Variants in PTPRD observed in about 807,000 individuals in gnomAD.
The protein encoded by PTPRD is receptor-type tyrosine-protein phosphatase delta.
In PTPRD, 34 loss-of-function variants were observed where a neutral mutation model predicts 214.5. The observed-to-expected ratio is 0.16, with a 90% CI of 0.12 to 0.21. The LOEUF is 0.21. PTPRD is among the 10% of genes least tolerant of loss of function. The pLI, the probability that PTPRD is intolerant of heterozygous loss-of-function variation, is 1.00. For missense variants in PTPRD, 2,545 were observed against 2,398.7 expected (o/e 1.06, Z -1.27); for synonymous variants, 1,128 against 845.7 (o/e 1.33, Z -5.79).
chr9:9,634,949 C>A (rs181672245), intron 7 of PTPRD, among the ~76,000 whole-genome samples: 1 of 151,568 alleles, frequency 6.6e-6, no homozygotes, highest in East Asian at 1.9e-4. Flanking sequence ...CTGTAGGAGG[C>A]AAAGAAAAGA....
At chr9:9,567,830 G>A (rs1232577659) in intron 8 of PTPRD, among the ~76,000 whole-genome samples, 1 of 151,920 alleles carries the variant, frequency 6.6e-6, no homozygotes, top group Non-Finnish European at 1.5e-5. Context: ...CTTATAGGCT[G>A]GGGCATATGA....
intron 5 of PTPRD, among the ~76,000 whole-genome samples, chr9:9,844,429 G>A (rs568716854): frequency 6.6e-6 from 1 of 152,022 alleles, no homozygotes; most frequent in Admixed American, 6.6e-5. Flanking sequence ...GATGATGGCT[G>A]CCCGGGCTGA....
chr9:9,164,361 T>G (rs1266823383), intron 10 of PTPRD, among the ~76,000 whole-genome samples: 5 of 152,176 alleles, frequency 3.3e-5, no homozygotes, highest in African/African-American at 4.8e-5. Context: ...CACATTGATT[T>G]TCTGCCTCTC....
At chr9:9,999,649 C>G (rs771322774) in intron 4 of PTPRD, among the ~76,000 whole-genome samples, 1 of 152,194 alleles carries the variant, frequency 6.6e-6, no homozygotes, top group South Asian at 2.1e-4. Flanking sequence ...TACACTATGA[C>G]ACCCACGATG....
At chr9:9,786,231 T>G (rs2098922539) in intron 5 of PTPRD, among the ~76,000 whole-genome samples, 1 of 132,992 alleles carries the variant, frequency 7.5e-6, no homozygotes, top group African/African-American at 3.1e-5. Context: ...TACATTTACC[T>G]GCATAAACTA....
intron 9 of PTPRD, among the ~76,000 whole-genome samples, chr9:9,254,272 T>C (rs1172062096): frequency 6.6e-6 from 1 of 152,182 alleles, no homozygotes; most frequent in East Asian, 2.0e-4. Context: ...AATTTCCTTT[T>C]TGGACAAAGT....
intron 14 of PTPRD, among the ~76,000 whole-genome samples, chr9:8,606,267 G>A (rs1299783947): frequency 6.6e-6 from 1 of 152,044 alleles, no homozygotes; most frequent in Admixed American, 6.6e-5. Flanking sequence ...CCTCACAGTA[G>A]CCAATAGGCA....
chr9:10,539,036 A>T (rs1428333000), intron 2 of PTPRD, among the ~76,000 whole-genome samples: 5 of 152,178 alleles, frequency 3.3e-5, no homozygotes, highest in African/African-American at 7.2e-5. Flanking sequence ...AATCCAAAGC[A>T]TCACTCTTTC....
At chr9:9,792,323 C>CA (rs1385591892) in intron 5 of PTPRD, among the ~76,000 whole-genome samples, 1 of 152,086 alleles carries the variant, frequency 6.6e-6, no homozygotes, top group East Asian at 1.9e-4. Flanking sequence ...AAAACTCTGC[C>CA]AGCACCTATA....
intron 2 of PTPRD, among the ~76,000 whole-genome samples, chr9:10,436,840 G>A (rs927187182): frequency 6.6e-6 from 1 of 151,746 alleles, no homozygotes; most frequent in Admixed American, 6.6e-5. Flanking sequence ...GAGAACTAAC[G>A]CCTGAGGCTT....
At chr9:10,425,515 T>C (rs1223519353) in intron 2 of PTPRD, among the ~76,000 whole-genome samples, 1 of 152,002 alleles carries the variant, frequency 6.6e-6, no homozygotes, top group Non-Finnish European at 1.5e-5. Context: ...TATGTCCTTA[T>C]AGCATAGGCT....
intron 10 of PTPRD, among the ~76,000 whole-genome samples, chr9:9,066,285 C>A (rs939451022): frequency 4.0e-5 from 6 of 151,876 alleles, no homozygotes; most frequent in African/African-American, 1.2e-4. Flanking sequence ...GGTAAAGTCA[C>A]CTTGGCCAGG....
rs1330884910 is a variant in PTPRD, at chr9:10,165,636, T to C, written c.-544-131846A>G. Among the ~76,000 whole-genome samples, 6 of 151,846 alleles carry C rather than the reference T, an allele frequency of 4.0e-5. No homozygotes were observed. In the South Asian group the frequency reaches 8.3e-4, roughly 21 times the overall value. ...ATGCTTTCAAATTAAGAATAAATCA[T>C]GGCCAAAATGAGCATTGCAATAATA... is the stretch of plus-strand genomic sequence containing the variant. On this transcript the variant is annotated intron_variant, in intron 3 of 45. Transcript: ENST00000381196.
intron 10 of PTPRD, among the ~76,000 whole-genome samples, chr9:9,107,466 G>C (rs1014296552): frequency 3.9e-5 from 6 of 152,264 alleles, no homozygotes; most frequent in Admixed American, 3.3e-4. Flanking sequence ...ACCTTTACCT[G>C]ACTCTACTAT....
chr9:9,283,421 T>C (rs1042441577), intron 9 of PTPRD, among the ~76,000 whole-genome samples: 1 of 151,444 alleles, frequency 6.6e-6, no homozygotes, highest in Non-Finnish European at 1.5e-5. Context: ...CCTTTACAGG[T>C]TCAATTATAT....
intron 7 of PTPRD, among the ~76,000 whole-genome samples, chr9:9,687,233 C>T (rs1382398072): frequency 6.6e-6 from 1 of 151,824 alleles, no homozygotes; most frequent in Non-Finnish European, 1.5e-5. Context: ...AACCTTGAGA[C>T]ATTTGTCTAC....
At chr9:8,783,217 T>A (rs916728657) in intron 11 of PTPRD, among the ~76,000 whole-genome samples, 2 of 152,296 alleles carry the variant, frequency 1.3e-5, no homozygotes, top group African/African-American at 2.4e-5. Context: ...TCAAAATGAT[T>A]GTAATTATAT....
chr9:9,236,156 G>C (rs1433429243), intron 9 of PTPRD, among the ~76,000 whole-genome samples: 1 of 152,080 alleles, frequency 6.6e-6, no homozygotes, highest in East Asian at 1.9e-4. Flanking sequence ...AGGAGGCTGA[G>C]GCAGGAGAAT....
intron 3 of PTPRD, among the ~76,000 whole-genome samples, chr9:10,051,783 G>A (rs1010725538): frequency 4.6e-5 from 7 of 151,998 alleles, no homozygotes; most frequent in African/African-American, 1.5e-4. Context: ...TATCTTCTTC[G>A]ACGGACACAA....
Sources: allele counts gnomAD v4.1 joint callset (sites outside exome capture counted in the v4.1 genomes callset), GRCh38; gene constraint gnomAD v4.1.1; transcripts MANE v1.5; gene names NCBI Gene and HGNC (gene_info 2026-07-23, HGNC 2026-07-21).